The following HEG1 variants were observed in gnomAD, a reference collection of about 807,000 sequenced individuals.
HEG1 encodes the protein protein HEG homolog 1.
HEG1 carries 56 observed loss-of-function variants against 125.6 expected under a neutral mutation model. The observed-to-expected ratio is 0.45, with a 90% CI of 0.36 to 0.56. HEG1 has a LOEUF of 0.56. Ranked by LOEUF, HEG1 falls within the 20% of genes least tolerant of loss-of-function variation. The pLI is 0.00. For synonymous variants in HEG1, 644 were observed against 668.5 expected (o/e 0.96, Z 0.57); for missense variants, 1,523 against 1,670.0 (o/e 0.91, Z 1.53).
At position 124,971,680 on chromosome 3, in the gene HEG1, C is replaced by T. The variant is rs182419240; in HGVS notation, c.3997-879G>A. On this transcript the variant is annotated intron_variant, in intron 16 of 16. Transcript: ENST00000311127. The stretch of plus-strand genomic sequence containing the variant: ...CTAATTTTTGTATTTTTAGTAGAGA[C>T]GTGGTTTCACCATGTTAGCCAGAAT... 2.2e-4 allele frequency among the ~76,000 whole-genome samples: 34 copies of T among 151,972 alleles called. No individual in the cohort carries two copies. The South Asian group carries it at 3.5e-3, about 16-fold the overall frequency.
chr3:124,971,839 A>G (rs1936430307), intron 16 of HEG1, among the ~76,000 whole-genome samples: 1 of 136,168 alleles, frequency 7.3e-6, no homozygotes, highest in African/African-American at 2.9e-5. Context: ...CCCAGCCTGG[A>G]GTGCAATGGC....
intron 4 of HEG1, among the ~76,000 whole-genome samples, chr3:125,020,369 T>A (rs1025774832): frequency 1.3e-5 from 2 of 152,314 alleles, no homozygotes; most frequent in South Asian, 2.1e-4. Context: ...GAGGCTGCAG[T>A]GAGCCGTAAT....
In HEG1 at chr3:125,021,081, G is replaced by A. The variant is rs1305199011; in HGVS notation, c.963C>T (p.Ser321=). The change falls in exon 4 of 17, where the codon TCC becomes TCT. Residue 321 remains serine, a synonymous_variant. Coordinates refer to ENST00000311127, the MANE Select transcript of HEG1 (RefSeq NM_020733.2). ...KLNNSTGLQS[S]SVSQTKTMHV... ...GCATTGTCTTTGTTTGACTGACTGA[G>A]GAGCTCTGGAGGCCAGTGGAGTTGT... 6.3e-7 allele frequency: 1 copy of A among 1,599,094 alleles called. No homozygotes were observed. The highest frequency in any genetic ancestry group is 1.7e-5 in the Admixed American group (1 of 57,450).
At position 125,019,263 on chromosome 3, in the gene HEG1, C is replaced by T. The variant is rs59232004; in HGVS notation, c.1587G>A (p.Ser529=). 0.51 allele frequency: 820,430 copies of T among 1,601,574 alleles called. 212,354 individuals carry two copies. Among genetic ancestry groups the T allele is most frequent in the South Asian group, 0.6 (54,085 of 90,860 alleles). The change falls in exon 5 of 17, where the codon TCG becomes TCA. Residue 529 remains serine (S), a splice_region_variant and synonymous_variant. Transcript: ENST00000311127. ...GTTGCATGAAATGGAAAAACTCACT[C>T]GAACGTTCTCCACGTGGTGCTGATG... ...LNSSAPRGER[S]IAGISYGQVR...
intron 14 of HEG1, among the ~76,000 whole-genome samples, chr3:124,988,687 G>A (rs1455029483): frequency 6.6e-6 from 1 of 152,210 alleles, no homozygotes; most frequent in Non-Finnish European, 1.5e-5. Context: ...GGGAGGCCGA[G>A]GTGGGCGGAT....
At chr3:124,980,620 G>A (rs953411190) in intron 14 of HEG1, among the ~76,000 whole-genome samples, 3 of 151,946 alleles carry the variant, frequency 2.0e-5, no homozygotes, top group African/African-American at 4.8e-5. Context: ...AGGTTCAAGC[G>A]ATTCTCATGC....
At chr3:125,054,127 CAGTT>C (rs1937875285) in intron 1 of HEG1, among the ~76,000 whole-genome samples, 1 of 152,252 alleles carries the variant, frequency 6.6e-6, no homozygotes, top group African/African-American at 2.4e-5. Context: ...CAGTGTTCCT[CAGTT>C]ACTTTCCTAG....
At chr3:125,011,100 A>T (rs1247188279) in intron 6 of HEG1, among the ~76,000 whole-genome samples, 10 of 152,214 alleles carry the variant, frequency 6.6e-5, no homozygotes, top group Non-Finnish European at 1.5e-4. Flanking sequence ...TTAGAAAATG[A>T]TCAGAGTTGA....
At chr3:125,054,858 T>C (rs1294511338) in intron 1 of HEG1, among the ~76,000 whole-genome samples, 1 of 152,222 alleles carries the variant, frequency 6.6e-6, no homozygotes, top group Non-Finnish European at 1.5e-5. Flanking sequence ...GTATGTGGCA[T>C]ATTTTTCCAG....
chr3:125,001,234 CTT>C (rs200974260), intron 11 of HEG1, among the ~76,000 whole-genome samples: 27 of 144,348 alleles, frequency 1.9e-4, no homozygotes, highest in Admixed American at 4.8e-4. Context: ...ACTGCACATG[CTT>C]TTTTTTTTTT....
chr3:125,023,967 A>G (rs1305138356), intron 3 of HEG1, among the ~76,000 whole-genome samples: 1 of 111,682 alleles, frequency 9.0e-6, no homozygotes, highest in Non-Finnish European at 2.0e-5. Context: ...GTACAGCTGA[A>G]GCAGCTATTT....
chr3:125,027,741 C>G (rs1937439531), intron 2 of HEG1, among the ~76,000 whole-genome samples: 1 of 152,174 alleles, frequency 6.6e-6, no homozygotes, highest in African/African-American at 2.4e-5. Context: ...AAGGAGCTCA[C>G]TGGAGGTAAG....
intron 12 of HEG1, among the ~76,000 whole-genome samples, chr3:124,993,941 C>T (rs1350233668): frequency 5.3e-5 from 8 of 152,122 alleles, no homozygotes; most frequent in Non-Finnish European, 1.0e-4. Context: ...GCTACTGTGC[C>T]GTGGCGCTGT....
intron 5 of HEG1, among the ~76,000 whole-genome samples, chr3:125,016,984 G>T (rs1050453757): frequency 4.6e-5 from 7 of 151,678 alleles, no homozygotes; most frequent in Non-Finnish European, 8.8e-5. Flanking sequence ...AAAGAGAAAA[G>T]ACAACCCACA....
Position 124,978,189 on chromosome 3 carries a change from C to T in HEG1, c.3734-243G>A, listed in dbSNP as rs531534572. The stretch of plus-strand genomic sequence containing the variant: ...CTGAGACAGAGTCTCACCCTGTCGC[C>T]CAGGCTGGAGTGCAGTGGTGCAATC... On this transcript the variant is annotated intron_variant, in intron 14 of 16. Transcript: ENST00000311127. 2.6e-5 allele frequency among the ~76,000 whole-genome samples: 4 copies of T among 152,272 alleles called. No homozygotes were observed. The East Asian group carries it at 7.7e-4, about 29-fold the overall frequency.
In HEG1 at chr3:125,005,234, C is replaced by T. The variant is rs202046232; in HGVS notation, c.3297+31G>A. On this transcript the variant is annotated intron_variant, in intron 9 of 16. Coordinates refer to ENST00000311127, the MANE Select transcript of HEG1 (RefSeq NM_020733.2). The stretch of plus-strand genomic sequence containing the variant: ...AAAATCTGTTCTAGGAAACAAAAGA[C>T]GAGTAGAAAGATGCCATTCAGGACA... 3.3e-5 allele frequency: 43 copies of T among 1,296,434 alleles called. No individual in the cohort carries two copies. In the African/African-American group the frequency reaches 5.0e-4, roughly 15 times the overall value. The allele number at this position is 1,296,434 out of a possible 1,614,324, so 80.3% of individuals were successfully genotyped here. A position where few individuals can be genotyped will look rare whatever the true frequency, so the allele number is the denominator to read the frequency against.
intron 12 of HEG1, among the ~76,000 whole-genome samples, chr3:124,993,253 C>G (rs555717520): frequency 6.6e-6 from 1 of 152,174 alleles, no homozygotes; most frequent in Non-Finnish European, 1.5e-5. Flanking sequence ...CAAAACAGTC[C>G]GTTAATTTCC....
At chr3:125,014,678 G>A (rs1937216337) in intron 5 of HEG1, 12 of 1,213,978 alleles carry the variant, frequency 9.9e-6, no homozygotes, top group Non-Finnish European at 1.3e-5. Flanking sequence ...TGAGCTGAAG[G>A]GATGTGTTAA....
chr3:125,021,002 C>G lies in HEG1; in HGVS notation c.1042G>C (p.Val348Leu), dbSNP rs749636731. 18 of 1,613,906 alleles carry G rather than the reference C, an allele frequency of 1.1e-5. No individual in the cohort carries two copies. The South Asian group carries it at 2.0e-4, about 18-fold the overall frequency. ...GGPRTLRSLT[V>L]SLGPVSKTEG... ...GTCTTGCTCACAGGTCCCAGACTGA[C>G]CGTCAAAGATCGCAGCGTTCTCGGG... The change falls in exon 4 of 17, where the codon GTC (valine) becomes CTC (leucine). Residue 348 changes from valine (V) to leucine (L), a missense_variant. By Grantham distance (32) the Val-to-Leu change is conservative. Coordinates refer to ENST00000311127, the MANE Select transcript of HEG1 (RefSeq NM_020733.2).
Sources: gnomAD v4.1 joint callset for allele counts (sites outside exome capture counted in the v4.1 genomes callset) on GRCh38, gnomAD v4.1.1 for gene constraint, MANE v1.5 for transcripts, NCBI Gene and HGNC (gene_info 2026-07-23, HGNC 2026-07-21) for gene names.